Variants in RHOBTB1 observed in about 807,000 individuals in gnomAD.
RHOBTB1 encodes the protein rho-related BTB domain-containing protein 1.
A neutral mutation model predicts 71.6 loss-of-function variants in RHOBTB1; 40 were observed. The observed-to-expected ratio is 0.56, with a 90% CI of 0.43 to 0.73. The LOEUF is 0.73. RHOBTB1 is among the 30% of genes least tolerant of loss of function. The pLI is 0.00. For synonymous variants in RHOBTB1, 319 were observed against 334.9 expected, an observed-to-expected ratio of 0.95 and a Z score of 0.52; for missense variants, 797 against 894.0, an observed-to-expected ratio of 0.89 and a Z score of 1.38.
intron 8 of RHOBTB1, among the ~76,000 whole-genome samples, chr10:60,875,916 G>A (rs940506719): frequency 3.3e-5 from 5 of 152,142 alleles, no homozygotes; most frequent in African/African-American, 1.2e-4. Context: ...GCATTTCTAG[G>A]TCTTTGACAT....
intron 1 of RHOBTB1, among the ~76,000 whole-genome samples, chr10:60,994,924 C>G (rs2086996879): frequency 1.3e-5 from 2 of 151,532 alleles, no homozygotes; most frequent in Non-Finnish European, 2.9e-5. Context: ...AGTAAAAAAA[C>G]AAAACAAAAC....
Position 60,897,269 on chromosome 10 carries a change from C to CT in RHOBTB1, c.297-4275dup, listed in dbSNP as rs34153627. On this transcript the variant is annotated intron_variant, in intron 4 of 10. Coordinates refer to ENST00000337910, the MANE Select transcript of RHOBTB1 (RefSeq NM_014836.5). ...ATCAGAGAAGCAACCAGAAGCTCAA[C>CT]TTTTTTTCCAATCTGAAATACCAGA... Among the ~76,000 whole-genome samples the CT allele has an allele frequency of 2.5e-3, 386 of 152,298 alleles. 2 individuals are homozygous for CT. The highest frequency in any genetic ancestry group is 4.3e-3 in the Non-Finnish European group (291 of 68,036).
At chr10:61,001,740 C>T (rs1421404157), upstream of RHOBTB1, among the ~76,000 whole-genome samples, 3 of 152,188 alleles carry the variant, frequency 2.0e-5, no homozygotes, top group Non-Finnish European at 4.4e-5. Flanking sequence ...CACCCGCTGG[C>T]GCGTGGGGCT....
the RHOBTB1 span, among the ~76,000 whole-genome samples, chr10:60,864,276 A>G: frequency 6.6e-6 from 1 of 152,192 alleles, no homozygotes. Context: ...ACTAAATGAG[A>G]CAAATGCAAA....
intron 4 of RHOBTB1, among the ~76,000 whole-genome samples, chr10:60,897,679 A>C (rs1276657450): frequency 1.3e-5 from 2 of 152,174 alleles, no homozygotes; most frequent in East Asian, 3.9e-4. Flanking sequence ...CTTGGTGACC[A>C]AGAATAAGCT....
intron 2 of RHOBTB1, among the ~76,000 whole-genome samples, chr10:60,921,117 T>A (rs1589306510): frequency 6.6e-6 from 1 of 152,008 alleles, no homozygotes; most frequent in African/African-American, 2.4e-5. Flanking sequence ...CCTGGCTAAT[T>A]TTTGTATTTT....
chr10:60,915,303 A>G (rs956810281), intron 2 of RHOBTB1, among the ~76,000 whole-genome samples: 2 of 152,104 alleles, frequency 1.3e-5, no homozygotes, highest in African/African-American at 4.8e-5. Context: ...CTGGTTTCTG[A>G]TTTTTATTTA....
intron 4 of RHOBTB1, among the ~76,000 whole-genome samples, chr10:60,907,773 C>T (rs2082753137): frequency 6.6e-6 from 1 of 152,142 alleles, no homozygotes; most frequent in Non-Finnish European, 1.5e-5. Context: ...AAATCCAGCT[C>T]ACCAATGTAG....
intron 2 of RHOBTB1, among the ~76,000 whole-genome samples, chr10:60,969,106 T>C (rs2086067722): frequency 6.6e-6 from 1 of 152,136 alleles, no homozygotes; most frequent in Non-Finnish European, 1.5e-5. Flanking sequence ...GAATACAGTC[T>C]ACATTCCAAA....
chr10:60,872,601 T>C (rs2080851427), intron 9 of RHOBTB1, among the ~76,000 whole-genome samples: 2 of 142,566 alleles, frequency 1.4e-5, no homozygotes, highest in South Asian at 5.0e-4. Flanking sequence ...TAAACAACCG[T>C]GGCCTCTGGA....
chr10:60,922,731 G>A (rs966893859), intron 2 of RHOBTB1, among the ~76,000 whole-genome samples: 1 of 152,198 alleles, frequency 6.6e-6, no homozygotes, highest in Non-Finnish European at 1.5e-5. Flanking sequence ...TGAGCTTGCT[G>A]ACCATCCCTT....
intron 1 of RHOBTB1, among the ~76,000 whole-genome samples, chr10:60,986,730 C>A (rs1348256928): frequency 6.6e-6 from 1 of 151,942 alleles, no homozygotes; most frequent in East Asian, 1.9e-4. Context: ...AACTGAAGGG[C>A]AAAACAGTAC....
intron 2 of RHOBTB1, among the ~76,000 whole-genome samples, chr10:60,925,578 C>G (rs74388070): frequency 6.6e-6 from 1 of 151,400 alleles, no homozygotes; most frequent in Admixed American, 6.6e-5. Context: ...TAATAAAGAT[C>G]GGAGCAGAAA....
At chr10:60,864,298 T>C in the RHOBTB1 span, among the ~76,000 whole-genome samples, 2 of 152,188 alleles carry the variant, frequency 1.3e-5, no homozygotes, top group African/African-American at 2.4e-5. Context: ...AAGGCACTTA[T>C]CACAACGCAT....
intron 2 of RHOBTB1, among the ~76,000 whole-genome samples, chr10:60,929,651 TAGA>T (rs2084112669): frequency 6.6e-6 from 1 of 152,146 alleles, no homozygotes; most frequent in Non-Finnish European, 1.5e-5. Context: ...AGAGATAATC[TAGA>T]AGGTTACAAA....
intron 7 of RHOBTB1, among the ~76,000 whole-genome samples, chr10:60,880,300 G>A (rs1441422870): frequency 3.3e-5 from 5 of 150,836 alleles, no homozygotes; most frequent in Admixed American, 6.6e-5. Flanking sequence ...TATGTATAAT[G>A]GCCCCACATT....
intron 2 of RHOBTB1, 103 bp from the exon 3 acceptor site, chr10:60,911,655 T>C (rs1280851052): frequency 3.5e-6 from 3 of 869,466 alleles, no homozygotes; most frequent in Admixed American, 3.7e-5. Flanking sequence ...AGCCACTTCC[T>C]TGGAGGTGCA....
chr10:60,909,621 T>C (rs969466229), intron 4 of RHOBTB1, among the ~76,000 whole-genome samples: 3 of 152,166 alleles, frequency 2.0e-5, no homozygotes, highest in African/African-American at 7.2e-5. Context: ...TTGTTATTTT[T>C]ACATGTAGAA....
intron 2 of RHOBTB1, among the ~76,000 whole-genome samples, chr10:60,916,885 A>C (rs1278149225): frequency 6.6e-6 from 1 of 152,214 alleles, no homozygotes; most frequent in Non-Finnish European, 1.5e-5. Context: ...AATGCGGAAG[A>C]GGTAGGCAGG....
Sources: allele counts gnomAD v4.1 joint callset (sites outside exome capture counted in the v4.1 genomes callset), GRCh38; gene constraint gnomAD v4.1.1; transcripts MANE v1.5; gene names NCBI Gene and HGNC (gene_info 2026-07-23, HGNC 2026-07-21).